GNAO1: variants seen among roughly 807,000 people sequenced by gnomAD.
GNAO1 encodes guanine nucleotide-binding protein G(o) subunit alpha.
For synonymous variants in GNAO1, 164 were observed against 180.7 expected (o/e 0.91, Z 0.74); for missense variants, 166 against 478.7 (o/e 0.35, Z 6.10).
chr16:56,293,048 A>C (rs1441317696), intron 3 of GNAO1, among the ~76,000 whole-genome samples: 1 of 151,706 alleles, frequency 6.6e-6, no homozygotes, highest in Non-Finnish European at 1.5e-5. Context: ...CTTCTGCTGG[A>C]CTCCTGGTAT....
chr16:56,281,410 C>T (rs1306714107), intron 3 of GNAO1, among the ~76,000 whole-genome samples: 1 of 152,154 alleles, frequency 6.6e-6, no homozygotes, highest in Non-Finnish European at 1.5e-5. Context: ...TCCATGGACC[C>T]TCTTCTCCAC....
intron 3 of GNAO1, among the ~76,000 whole-genome samples, chr16:56,327,796 C>A (rs1210870196): frequency 1.3e-5 from 2 of 152,114 alleles, no homozygotes; most frequent in Admixed American, 1.3e-4. Context: ...CCCACTCAGA[C>A]AAGGAGGAAG....
At chr16:56,264,723 A>G (rs1187001303) in intron 2 of GNAO1, among the ~76,000 whole-genome samples, 1 of 149,640 alleles carries the variant, frequency 6.7e-6, no homozygotes, top group Non-Finnish European at 1.5e-5. Context: ...AAGTTTTAAT[A>G]TAGTATTAAA....
At position 56,244,330 on chromosome 16, in the gene GNAO1, A is replaced by C. The variant is rs568857120; in HGVS notation, c.162-31601A>C. Among the ~76,000 whole-genome samples, 13 of 152,128 alleles carry C rather than the reference A, an allele frequency of 8.5e-5. 2 individuals carry two copies. The highest frequency in any genetic ancestry group is 3.1e-4 in the African/African-American group (13 of 41,490). On this transcript the variant is annotated intron_variant, in intron 2 of 8. Coordinates refer to ENST00000262493, the MANE Select transcript of GNAO1 (RefSeq NM_020988.3). Reference sequence around the variant, plus strand: ...AGAGGGCCCCATCCTGGGGTTCATGAAAGTAGTAATGCTGGTCTATGGATA... The same window carrying C: ...AGAGGGCCCCATCCTGGGGTTCATGCAAGTAGTAATGCTGGTCTATGGATA...
chr16:56,224,426 C>A (rs1229251943), intron 2 of GNAO1, among the ~76,000 whole-genome samples: 1 of 152,178 alleles, frequency 6.6e-6, no homozygotes, highest in East Asian at 1.9e-4. Flanking sequence ...CATGTTAATA[C>A]CTTCTGCTCT....
chr16:56,306,015 A>T (rs1389985040), intron 3 of GNAO1, among the ~76,000 whole-genome samples: 1 of 152,190 alleles, frequency 6.6e-6, no homozygotes, highest in Non-Finnish European at 1.5e-5. Flanking sequence ...TTTTGGGGGA[A>T]CACAGTTCAG....
At chr16:56,300,055 G>A (rs531529386) in intron 3 of GNAO1, among the ~76,000 whole-genome samples, 1,699 of 92,592 alleles carry the variant, frequency 0.018, 31 homozygotes, top group African/African-American at 0.07. Flanking sequence ...GCGCGCGCAC[G>A]CACATGTGCT....
intron 2 of GNAO1, among the ~76,000 whole-genome samples, chr16:56,230,300 C>T (rs927130545): frequency 2.0e-5 from 3 of 152,134 alleles, no homozygotes; most frequent in Non-Finnish European, 4.4e-5. Context: ...GTGCCATTCG[C>T]CCCCTGTGCA....
intron 3 of GNAO1, among the ~76,000 whole-genome samples, chr16:56,278,232 C>T (rs1300616614): frequency 1.3e-5 from 2 of 152,198 alleles, no homozygotes; most frequent in African/African-American, 2.4e-5. Context: ...TGGACACAGT[C>T]GAGTCCAAGC....
intron 5 of GNAO1, chr16:56,336,462 A>C (rs116909591): frequency 0.021 from 7,438 of 351,804 alleles, 117 homozygotes; most frequent in South Asian, 0.043. Flanking sequence ...CTCTTAGTAA[A>C]ATGCTCCTCA....
At position 56,351,022 on chromosome 16, in the gene GNAO1, G is replaced by A. The variant is rs566954645; in HGVS notation, c.724-362G>A. On this transcript the variant is annotated intron_variant, in intron 6 of 8. Transcript: ENST00000262493. The surrounding 1 kb of genome is among the most constrained non-coding windows in gnomAD (Gnocchi z 6.1). The stretch of plus-strand genomic sequence containing the variant: ...ACACACACAGGCACACATAACAGGT[G>A]CATGCACACACACACAGGCACATGC... Among the ~76,000 whole-genome samples the A allele has an allele frequency of 1.3e-5, 2 of 151,824 alleles. No individual in the cohort carries two copies. The highest frequency in any genetic ancestry group is 4.2e-4 in the South Asian group (2 of 4,794).
chr16:56,343,390 G>C (rs1403843175), intron 6 of GNAO1, among the ~76,000 whole-genome samples: 1 of 149,248 alleles, frequency 6.7e-6, no homozygotes, highest in Non-Finnish European at 1.5e-5. Context: ...AGGCTGAGAA[G>C]AGAGTATTAG....
intron 2 of GNAO1, among the ~76,000 whole-genome samples, chr16:56,233,221 C>T (rs1472703186): frequency 6.6e-6 from 1 of 152,176 alleles, no homozygotes; most frequent in Non-Finnish European, 1.5e-5. Flanking sequence ...CGATACTTAC[C>T]TGTTACTGCT....
At position 56,204,743 on chromosome 16, in the gene GNAO1, A is replaced by T. The variant is rs1197200337; in HGVS notation, c.161+12127A>T. ...AGGGAGAGGGATAAAAGCCAAACTC[A>T]AAAAATTTTTATGGTAGAAATAGGT... On this transcript the variant is annotated intron_variant, in intron 2 of 8. Coordinates refer to ENST00000262493, the MANE Select transcript of GNAO1 (RefSeq NM_020988.3). Among the ~76,000 whole-genome samples the T allele has an allele frequency of 2.0e-5, 3 of 152,202 alleles. No homozygotes were observed. The East Asian group carries it at 5.8e-4, about 29-fold the overall frequency.
chr16:56,203,328 G>A (rs2036297337), intron 2 of GNAO1, among the ~76,000 whole-genome samples: 1 of 152,060 alleles, frequency 6.6e-6, no homozygotes, highest in African/African-American at 2.4e-5. Flanking sequence ...ATTGGCCCAG[G>A]GATGGGCATG....
At chr16:56,307,715 A>G (rs2037411771) in intron 3 of GNAO1, 1 of 152,182 alleles carries the variant, frequency 6.6e-6, no homozygotes, top group African/African-American at 2.4e-5. Context: ...ACTGCTTCCC[A>G]CTTGACATTT....
At position 56,354,521 on chromosome 16, in the gene GNAO1, C is replaced by G. The variant is rs1441777397; in HGVS notation, c.878-345C>G. 2.0e-5 allele frequency among the ~76,000 whole-genome samples: 3 copies of G among 152,022 alleles called. No homozygotes were observed. The highest frequency in any genetic ancestry group is 6.5e-5 in the Admixed American group (1 of 15,272). ...TGAAACCCCGTCTCTACTAAAAATA[C>G]AAAAATTAGCTGGGCGTGGTGGCAC... On this transcript the variant is annotated intron_variant, in intron 7 of 8. Transcript: ENST00000262493. The surrounding 1 kb of genome is among the most constrained non-coding windows in gnomAD (Gnocchi z 4.3).
At chr16:56,199,562 C>T (rs1052820636) in intron 2 of GNAO1, among the ~76,000 whole-genome samples, 1 of 152,170 alleles carries the variant, frequency 6.6e-6, no homozygotes, top group Non-Finnish European at 1.5e-5. Context: ...AAAGGGGAGG[C>T]TCAGGAGAAC....
chr16:56,254,452 A>G (rs1177369557), intron 2 of GNAO1, among the ~76,000 whole-genome samples: 1 of 152,108 alleles, frequency 6.6e-6, no homozygotes, highest in African/African-American at 2.4e-5. Context: ...ATTTTTTTAA[A>G]CTAAAATTCT....
Sources: gnomAD v4.1 joint callset for allele counts (sites outside exome capture counted in the v4.1 genomes callset) on GRCh38, gnomAD v4.1.1 for gene constraint, Gnocchi (gnomAD v3.1) non-coding constraint, MANE v1.5 for transcripts, NCBI Gene and HGNC (gene_info 2026-07-23, HGNC 2026-07-21) for gene names.